FGF13: variants seen among roughly 807,000 people sequenced by gnomAD.
FGF13 encodes the protein fibroblast growth factor homologous factor 2.
Under a neutral mutation model 19.5 loss-of-function variants are expected in FGF13, and 2 were observed. The observed-to-expected ratio is 0.10, with a 90% CI of 0.04 to 0.32. The LOEUF (loss-of-function observed/expected upper bound fraction) is 0.32, where lower values mean the gene tolerates loss of function less well. Ranked by LOEUF, FGF13 falls within the 10% of genes least tolerant of loss-of-function variation. The pLI, the probability that FGF13 is intolerant of heterozygous loss-of-function variation, is 1.00. For missense variants in FGF13, 113 were observed against 192.7 expected, an observed-to-expected ratio of 0.59 and a Z score of 2.45; for synonymous variants, 72 against 76.9, an observed-to-expected ratio of 0.94 and a Z score of 0.33.
upstream of FGF13, among the ~76,000 whole-genome samples, chrX:138,712,627 A>G (rs1208849123): frequency 1.8e-5 from 2 of 111,716 alleles, no homozygotes; most frequent in African/African-American, 6.5e-5. Flanking sequence ...GAGGCCAGAA[A>G]TGCAGCAAAG....
chrX:138,756,030 G>A (rs1286800088), intron 3 of FGF13, among the ~76,000 whole-genome samples: 2 of 111,826 alleles, frequency 1.8e-5, no homozygotes, highest in Middle Eastern at 4.6e-3. Flanking sequence ...ACAAAGAAAC[G>A]TCTGTCTGAG....
chrX:138,643,450 A>T (rs1569352486), intron 3 of FGF13, among the ~76,000 whole-genome samples: 1 of 112,133 alleles, frequency 8.9e-6, no homozygotes, highest in Non-Finnish European at 1.9e-5. Context: ...CAGCAAATAC[A>T]TTTTGACATG....
At chrX:138,719,697 ATT>A (rs1364097946) in intron 1 of FGF13, among the ~76,000 whole-genome samples, 1 of 112,584 alleles carries the variant, frequency 8.9e-6, no homozygotes, top group African/African-American at 3.2e-5. Context: ...TACACAGTGT[ATT>A]CACTTCCATA....
chrX:138,999,386 T>C (rs190647671), intron 1 of FGF13, among the ~76,000 whole-genome samples: 2,350 of 111,093 alleles, frequency 0.021, 24 homozygotes, highest in Middle Eastern at 0.033. Context: ...AAAAAATCAA[T>C]GAATCCAGGA....
chrX:138,991,357 T>G (rs1328984313), intron 1 of FGF13, among the ~76,000 whole-genome samples: 1 of 112,342 alleles, frequency 8.9e-6, no homozygotes, highest in African/African-American at 3.2e-5. Flanking sequence ...ATGCCTACTG[T>G]GTGTCTGGTA....
At chrX:138,635,708 T>C (rs2089175375) in intron 3 of FGF13, 53 bp from the exon 4 acceptor site, 1 of 967,000 alleles carries the variant, frequency 1.0e-6, no homozygotes, top group African/African-American at 1.9e-5. Context: ...ATGAATTTCC[T>C]GTAGAATCAT....
At chrX:138,633,068 G>A in intron 4 of FGF13, 82 bp from the exon 5 acceptor site, 1 of 1,026,170 alleles carries the variant, frequency 9.7e-7, no homozygotes, top group Non-Finnish European at 1.3e-6. Context: ...GTTTGTAGGT[G>A]TTCTATTCCA....
chrX:139,109,771 G>C (rs1416761404), intron 1 of FGF13, among the ~76,000 whole-genome samples: 1 of 111,767 alleles, frequency 8.9e-6, no homozygotes, highest in Non-Finnish European at 1.9e-5. Context: ...CATAACAGTA[G>C]CTCTTCTTTA....
intron 1 of FGF13, among the ~76,000 whole-genome samples, chrX:138,984,578 GAA>G (rs1469473102): frequency 5.3e-5 from 3 of 56,495 alleles, no homozygotes; most frequent in African/African-American, 1.4e-4. Flanking sequence ...AGAAGAAGAA[GAA>G]GAAGAAGAAG....
chrX:139,078,493 C>A (rs2083346975), intron 1 of FGF13, among the ~76,000 whole-genome samples: 1 of 112,419 alleles, frequency 8.9e-6, no homozygotes, highest in Admixed American at 9.4e-5. Context: ...TTTTCCCCCA[C>A]TGAATTTGTT....
chrX:139,135,036 GA>G (rs938270916), intron 1 of FGF13, among the ~76,000 whole-genome samples: 7 of 106,804 alleles, frequency 6.6e-5, no homozygotes, highest in South Asian at 4.0e-4. Flanking sequence ...ATGAATGGCA[GA>G]AAAAAAAAAC....
At chrX:139,177,681 C>T (rs1009707390) in intron 1 of FGF13, among the ~76,000 whole-genome samples, 1 of 111,444 alleles carries the variant, frequency 9.0e-6, no homozygotes, top group East Asian at 2.8e-4. Context: ...GGGTGGGATC[C>T]GGGCAGCTAG....
chrX:139,005,193 GCCCCC>G (rs34587672), intron 1 of FGF13, among the ~76,000 whole-genome samples: 2 of 24,668 alleles, frequency 8.1e-5, no homozygotes, highest in African/African-American at 9.4e-5. Context: ...TTGTGTCACT[GCCCCC>G]CCCCCCCCCC....
chrX:138,920,567 C>T (rs761255814), intron 1 of FGF13, among the ~76,000 whole-genome samples: 43 of 111,658 alleles, frequency 3.9e-4, no homozygotes, highest in Non-Finnish European at 4.5e-4. Context: ...TGGTGGTTTT[C>T]TTCACTTTAG....
intron 3 of FGF13, among the ~76,000 whole-genome samples, chrX:138,760,354 G>C (rs1350724693): frequency 1.8e-5 from 2 of 111,614 alleles, no homozygotes; most frequent in East Asian, 2.8e-4. Flanking sequence ...CCCTTTGCAA[G>C]TGCTTAAAAA....
At chrX:138,883,154 C>T (rs2091436256) in intron 1 of FGF13, among the ~76,000 whole-genome samples, 1 of 112,382 alleles carries the variant, frequency 8.9e-6, no homozygotes, top group Non-Finnish European at 1.9e-5. Context: ...TGTCAGCACT[C>T]ATTTCACTGC....
chrX:138,754,995 GTCCT>G (rs1231019203), intron 3 of FGF13, among the ~76,000 whole-genome samples: 1 of 111,809 alleles, frequency 8.9e-6, no homozygotes, highest in African/African-American at 3.3e-5. Flanking sequence ...TTTGCTGTGT[GTCCT>G]ATTGCTGTAA....
chrX:138,949,799 A>C (rs1345791789), intron 1 of FGF13, among the ~76,000 whole-genome samples: 1 of 112,059 alleles, frequency 8.9e-6, no homozygotes, highest in Non-Finnish European at 1.9e-5. Context: ...AAAAGAGGTA[A>C]GGGTATATAA....
At position 138,630,186 on chromosome X, in the gene FGF13, G is replaced by A. The variant is rs1257631894; in HGVS notation, c.*2664C>T. ...AGGCAGCTCAAAAAGAATGCTGGGG[G>A]TAAAGGATTCTTCCTGGGCATTTTG... On this transcript the variant is annotated 3_prime_UTR_variant, in exon 5 of 5. Coordinates refer to ENST00000315930, the MANE Select transcript of FGF13 (RefSeq NM_004114.5). The A allele has an allele frequency of 1.8e-5, 2 of 110,896 alleles. No individual in the cohort carries two copies. The highest frequency in any genetic ancestry group is 3.8e-5 in the Non-Finnish European group (2 of 53,035). The allele number at this position is 110,896 out of a possible 1,213,427, so 9.1% of individuals were successfully genotyped here.
Sources: allele counts gnomAD v4.1 joint callset (sites outside exome capture counted in the v4.1 genomes callset), GRCh38; gene constraint gnomAD v4.1.1; transcripts MANE v1.5; gene names NCBI Gene and HGNC (gene_info 2026-07-23, HGNC 2026-07-21).